Variants in FBLN5 observed in about 807,000 individuals in gnomAD.
The protein encoded by FBLN5 is fibulin 5.
Under a neutral mutation model 61.6 loss-of-function variants are expected in FBLN5, and 24 were observed. That is an observed-to-expected ratio of 0.39 (90% CI 0.28 to 0.55). The LOEUF is 0.55. Among genes scored for constraint, FBLN5 ranks in the 20% least tolerant of loss-of-function variants. FBLN5 has a pLI of 0.65. For missense variants in FBLN5, 470 were observed against 594.1 expected, an observed-to-expected ratio of 0.79 and a Z score of 2.17; for synonymous variants, 213 against 219.8, an observed-to-expected ratio of 0.97 and a Z score of 0.27.
At chr14:91,910,310 A>C (rs1208950475) in intron 4 of FBLN5, among the ~76,000 whole-genome samples, 1 of 152,230 alleles carries the variant, frequency 6.6e-6, no homozygotes, top group Non-Finnish European at 1.5e-5. Context: ...CTTATATGAT[A>C]TATTTAAAGA....
chr14:91,870,095 G>T lies in FBLN5; in HGVS notation c.*129C>A. On this transcript the variant is annotated 3_prime_UTR_variant, in exon 11 of 11. Transcript: ENST00000342058. ...AGGTGAGAGTCAGGAAGTCGGGGCT[G>T]ACTCTTCGGGGAAACGTTCAGCAGG... The T allele has an allele frequency of 1.0e-6, 1 of 992,036 alleles. No individual in the cohort carries two copies. Among genetic ancestry groups the T allele is most frequent in the Non-Finnish European group, 1.6e-6 (1 of 642,238 alleles). 61.5% of individuals were successfully genotyped at this position (992,036 alleles called of 1,614,324 possible). A position where few individuals can be genotyped will look rare whatever the true frequency, so the allele number is the denominator to read the frequency against.
At chr14:91,929,113 A>ACACACACC (rs1307165968) in intron 4 of FBLN5, among the ~76,000 whole-genome samples, 1 of 136,804 alleles carries the variant, frequency 7.3e-6, no homozygotes, top group African/African-American at 3.0e-5. Context: ...ACACACACAC[A>ACACACACC]CCCCACACAC....
intron 4 of FBLN5, among the ~76,000 whole-genome samples, chr14:91,931,353 C>A (rs894303970): frequency 1.3e-5 from 2 of 152,230 alleles, no homozygotes; most frequent in Admixed American, 1.3e-4. Context: ...CAAAACTCCA[C>A]ATCCCCCTCG....
At chr14:91,942,355 C>T (rs2056119037) in intron 2 of FBLN5, among the ~76,000 whole-genome samples, 1 of 152,248 alleles carries the variant, frequency 6.6e-6, no homozygotes, top group Non-Finnish European at 1.5e-5. Flanking sequence ...GTAACACCCA[C>T]TTCCTCTCCC....
chr14:91,907,196 G>A (rs537717520), intron 4 of FBLN5, among the ~76,000 whole-genome samples: 7 of 152,256 alleles, frequency 4.6e-5, no homozygotes, highest in South Asian at 2.1e-4. Flanking sequence ...TGCAATGTCC[G>A]GGTCATGCCT....
At chr14:91,898,933 C>T (rs753439372) in intron 4 of FBLN5, among the ~76,000 whole-genome samples, 1 of 151,356 alleles carries the variant, frequency 6.6e-6, no homozygotes, top group Non-Finnish European at 1.5e-5. Context: ...TCCCGAGTAG[C>T]TGGGACTACA....
intron 4 of FBLN5, among the ~76,000 whole-genome samples, chr14:91,895,871 C>A (rs966550756): frequency 2.0e-5 from 3 of 151,748 alleles, no homozygotes; most frequent in Non-Finnish European, 4.4e-5. Context: ...TGGTATTCAC[C>A]CGTGAAAATC....
At chr14:91,930,112 G>A (rs1195953224) in intron 4 of FBLN5, among the ~76,000 whole-genome samples, 10 of 152,210 alleles carry the variant, frequency 6.6e-5, no homozygotes, top group South Asian at 2.1e-4. Flanking sequence ...TTTGGAGCAG[G>A]AGAAGTCATC....
intron 6 of FBLN5, among the ~76,000 whole-genome samples, chr14:91,889,567 T>C (rs1889890544): frequency 6.6e-6 from 1 of 152,224 alleles, no homozygotes; most frequent in African/African-American, 2.4e-5. Flanking sequence ...ATTTCCTCAG[T>C]GAAGCAGAGC....
Position 91,870,403 on chromosome 14 carries a change from G to T in FBLN5, c.1186-18C>A, listed in dbSNP as rs555585871. ...CCCGTTTGCTATGGACAGAACCGGGGAACACCAGTGAGAAAAGGCCTGCAT... is the reference window on the plus strand; with the variant it reads ...CCCGTTTGCTATGGACAGAACCGGGTAACACCAGTGAGAAAAGGCCTGCAT... On this transcript the variant is annotated intron_variant, in intron 10 of 10. Transcript: ENST00000342058. 89 of 1,612,870 alleles carry T rather than the reference G, an allele frequency of 5.5e-5. No homozygotes were observed. In the South Asian group the frequency reaches 9.6e-4, roughly 17 times the overall value.
intron 4 of FBLN5, among the ~76,000 whole-genome samples, chr14:91,911,917 C>T (rs948501126): frequency 6.6e-6 from 1 of 152,128 alleles, no homozygotes; most frequent in Non-Finnish European, 1.5e-5. Flanking sequence ...AGAGGGTAAC[C>T]TGAAAGCGGA....
At chr14:91,918,602 G>A (rs2055670582) in intron 4 of FBLN5, among the ~76,000 whole-genome samples, 1 of 152,212 alleles carries the variant, frequency 6.6e-6, no homozygotes, top group African/African-American at 2.4e-5. Flanking sequence ...AGGATGGAAA[G>A]AGCATCTTTT....
At chr14:91,917,469 G>A (rs139643947) in intron 4 of FBLN5, among the ~76,000 whole-genome samples, 47 of 151,488 alleles carry the variant, frequency 3.1e-4, no homozygotes, top group African/African-American at 1.1e-3. Context: ...CCAGCTACTC[G>A]GGAGGCTGAG....
chr14:91,938,773 G>C (rs1268478565), intron 3 of FBLN5, among the ~76,000 whole-genome samples: 3 of 152,164 alleles, frequency 2.0e-5, no homozygotes, highest in African/African-American at 7.2e-5. Flanking sequence ...GAGACCACAT[G>C]CCTGCACCCG....
intron 10 of FBLN5, among the ~76,000 whole-genome samples, chr14:91,876,617 CCA>C (rs1889174370): frequency 6.6e-6 from 1 of 152,088 alleles, no homozygotes; most frequent in African/African-American, 2.4e-5. Context: ...GGCAGCGTGA[CCA>C]CAGAGGCAGA....
At chr14:91,872,436 A>G (rs1396078493) in intron 10 of FBLN5, among the ~76,000 whole-genome samples, 1 of 152,242 alleles carries the variant, frequency 6.6e-6, no homozygotes, top group African/African-American at 2.4e-5. Context: ...TGCAGAGCCC[A>G]GCCCTGTGCC....
intron 10 of FBLN5, among the ~76,000 whole-genome samples, chr14:91,871,136 ACATGTACTCTTG>A (rs1888905652): frequency 6.6e-6 from 1 of 151,710 alleles, no homozygotes; most frequent in Admixed American, 6.6e-5. Context: ...ACCAACATGC[ACATGTACTCTTG>A]AAAGTGGAAT....
chr14:91,880,242 G>T (rs1031891150), intron 9 of FBLN5, among the ~76,000 whole-genome samples: 6 of 152,182 alleles, frequency 3.9e-5, no homozygotes, highest in African/African-American at 1.4e-4. Context: ...AGGGAGATTG[G>T]AAGCATTCAT....
chr14:91,882,925 C>T lies in FBLN5; in HGVS notation c.862+29G>A. ...AAGCAGCTCCACCTCACACATACAC[C>T]CCAGCCAGGCCCCTCCGGACAGCCT... On this transcript the variant is annotated intron_variant, in intron 8 of 10. Transcript: ENST00000342058. This position sits in a 1 kb window ranked among gnomAD's most constrained non-coding sequence, Gnocchi z 4.9. The T allele has an allele frequency of 1.9e-6, 3 of 1,612,076 alleles. No individual in the cohort carries two copies. Among genetic ancestry groups the T allele is most frequent in the Admixed American group, 1.7e-5 (1 of 59,920 alleles).
Sources: allele counts gnomAD v4.1 joint callset (sites outside exome capture counted in the v4.1 genomes callset), GRCh38; gene constraint gnomAD v4.1.1; non-coding constraint Gnocchi (gnomAD v3.1); transcripts MANE v1.5; gene names NCBI Gene and HGNC (gene_info 2026-07-23, HGNC 2026-07-21).